ZSWIM6: variants seen among roughly 807,000 people sequenced by gnomAD.
ZSWIM6 encodes the protein zinc finger SWIM-type containing 6.
In ZSWIM6, 9 loss-of-function variants were observed where a neutral mutation model predicts 113.2. The observed-to-expected ratio is 0.08, with a 90% CI of 0.05 to 0.14. The LOEUF (loss-of-function observed/expected upper bound fraction) is 0.14, where lower values mean the gene tolerates loss of function less well. ZSWIM6 is among the 10% of genes least tolerant of loss of function. ZSWIM6 has a pLI of 1.00. For synonymous variants in ZSWIM6, 611 were observed against 606.5 expected (o/e 1.01, Z -0.11); for missense variants, 1,162 against 1,552.2 (o/e 0.75, Z 4.22).
intron 1 of ZSWIM6, among the ~76,000 whole-genome samples, chr5:61,464,383 T>C (rs551238723): frequency 7.2e-5 from 11 of 152,006 alleles, no homozygotes; most frequent in Non-Finnish European, 1.5e-4. Context: ...GTAAGTTTAT[T>C]ATTCGAATTG....
intron 1 of ZSWIM6, among the ~76,000 whole-genome samples, chr5:61,361,036 C>A (rs1416846176): frequency 6.6e-6 from 1 of 151,770 alleles, no homozygotes; most frequent in African/African-American, 2.4e-5. Context: ...CATATATATT[C>A]TTGTGGTCTT....
intron 1 of ZSWIM6, among the ~76,000 whole-genome samples, chr5:61,466,274 A>T (rs1298582967): frequency 6.6e-6 from 1 of 152,202 alleles, no homozygotes; most frequent in African/African-American, 2.4e-5. Flanking sequence ...TAGTTACTAT[A>T]CATTTAGCTA....
At chr5:61,509,948 A>G (rs536517949) in intron 4 of ZSWIM6, among the ~76,000 whole-genome samples, 1 of 152,160 alleles carries the variant, frequency 6.6e-6, no homozygotes, top group South Asian at 2.1e-4. Context: ...TCAACATCCA[A>G]GTCTTTCATC....
chr5:61,528,008 T>A (rs1749331503), intron 7 of ZSWIM6, among the ~76,000 whole-genome samples: 1 of 152,206 alleles, frequency 6.6e-6, no homozygotes. Flanking sequence ...GACCCATTTC[T>A]CTTTTATCTT....
intron 1 of ZSWIM6, among the ~76,000 whole-genome samples, chr5:61,434,045 T>A (rs1746643525): frequency 7.0e-6 from 1 of 143,524 alleles, no homozygotes; most frequent in Non-Finnish European, 1.5e-5. Flanking sequence ...AAAAAATATA[T>A]GTGTAATAAA....
chr5:61,531,461 G>A lies in ZSWIM6; in HGVS notation c.1985-4G>A, dbSNP rs751018867. On this transcript the variant is annotated splice_polypyrimidine_tract_variant and splice_region_variant and intron_variant, in intron 8 of 13. Coordinates refer to ENST00000252744, the MANE Select transcript of ZSWIM6 (RefSeq NM_020928.2). ...GCTCTGATTTCTTTTGTGGCATTTT[G>A]CAGAGAATATGGGACAGTGCAAGTC... The A allele has an allele frequency of 4.6e-6, 7 of 1,532,348 alleles. No homozygotes were observed. Among genetic ancestry groups the A allele is most frequent in the Non-Finnish European group, 6.2e-6 (7 of 1,131,694 alleles). 94.9% of individuals were successfully genotyped at this position (1,532,348 alleles called of 1,614,324 possible).
intron 4 of ZSWIM6, among the ~76,000 whole-genome samples, chr5:61,513,460 T>C (rs1313879987): frequency 6.6e-6 from 1 of 152,158 alleles, no homozygotes; most frequent in Non-Finnish European, 1.5e-5. Context: ...TTTTGTAGAA[T>C]AAAACTTTTA....
At chr5:61,417,332 A>C (rs2112120487) in intron 1 of ZSWIM6, among the ~76,000 whole-genome samples, 1 of 152,342 alleles carries the variant, frequency 6.6e-6, no homozygotes, top group South Asian at 2.1e-4. Context: ...AGATTATTAA[A>C]TGAAAATCAC....
intron 1 of ZSWIM6, among the ~76,000 whole-genome samples, chr5:61,458,994 A>G (rs893833687): frequency 3.3e-5 from 5 of 152,090 alleles, no homozygotes; most frequent in Non-Finnish European, 7.4e-5. Context: ...AATTCCATTT[A>G]TACTACCATT....
intron 1 of ZSWIM6, among the ~76,000 whole-genome samples, chr5:61,461,666 A>G (rs1313847816): frequency 6.6e-6 from 1 of 152,188 alleles, no homozygotes; most frequent in Non-Finnish European, 1.5e-5. Context: ...CCAGGCTCTC[A>G]GAACAGGTGC....
At chr5:61,450,717 A>G (rs1747068660) in intron 1 of ZSWIM6, among the ~76,000 whole-genome samples, 1 of 152,208 alleles carries the variant, frequency 6.6e-6, no homozygotes, top group South Asian at 2.1e-4. Context: ...TGTGAGTAGT[A>G]TACAAGACAA....
At chr5:61,408,709 A>G (rs1436005140) in intron 1 of ZSWIM6, among the ~76,000 whole-genome samples, 1 of 152,272 alleles carries the variant, frequency 6.6e-6, no homozygotes, top group Non-Finnish European at 1.5e-5. Context: ...AAGGAAGTGC[A>G]TTACAAAATG....
chr5:61,434,827 A>AAAATT (rs1286761684), intron 1 of ZSWIM6, among the ~76,000 whole-genome samples: 3 of 152,196 alleles, frequency 2.0e-5, no homozygotes, highest in Non-Finnish European at 4.4e-5. Context: ...AAATGTTTGT[A>AAAATT]AAATTAAAAT....
Position 61,469,764 on chromosome 5 carries a change from A to G in ZSWIM6, c.677-2917A>G, listed in dbSNP as rs556989903. Reference sequence around the variant, plus strand: ...GCCCAGGCTGGAGTGCAGTGGTGCAATCTTGGCTCACTGGCTCACTGCAAG... The same window carrying G: ...GCCCAGGCTGGAGTGCAGTGGTGCAGTCTTGGCTCACTGGCTCACTGCAAG... On this transcript the variant is annotated intron_variant, in intron 1 of 13. Coordinates refer to ENST00000252744, the MANE Select transcript of ZSWIM6 (RefSeq NM_020928.2). Among the ~76,000 whole-genome samples the G allele has an allele frequency of 2.6e-5, 4 of 152,120 alleles. No individual in the cohort carries two copies. The East Asian group carries it at 5.8e-4, about 22-fold the overall frequency.
intron 1 of ZSWIM6, among the ~76,000 whole-genome samples, chr5:61,440,068 C>CT (rs1408812587): frequency 1.3e-5 from 2 of 151,450 alleles, no homozygotes; most frequent in Non-Finnish European, 2.9e-5. Context: ...TGGGAAAGAT[C>CT]TTTGAGAGTG....
chr5:61,396,361 G>A (rs1272723895), intron 1 of ZSWIM6, among the ~76,000 whole-genome samples: 1 of 151,966 alleles, frequency 6.6e-6, no homozygotes, highest in East Asian at 1.9e-4. Context: ...GTGAAACCCT[G>A]TCTCTACTAA....
At chr5:61,332,999 T>TGGGGG (rs369791585) in intron 1 of ZSWIM6, 51 bp downstream of exon 1, 12 of 624,622 alleles carry the variant, frequency 1.9e-5, no homozygotes, top group South Asian at 5.5e-5. Flanking sequence ...AGTCCCTGGG[T>TGGGGG]GGGGGGGGGG....
At chr5:61,342,989 G>A (rs888928688) in intron 1 of ZSWIM6, among the ~76,000 whole-genome samples, 1 of 152,150 alleles carries the variant, frequency 6.6e-6, no homozygotes, top group African/African-American at 2.4e-5. Flanking sequence ...GTTAAGTTTT[G>A]AAAGAGAAAT....
intron 1 of ZSWIM6, among the ~76,000 whole-genome samples, chr5:61,340,866 G>A (rs1015304334): frequency 3.7e-4 from 57 of 152,210 alleles, no homozygotes; most frequent in African/African-American, 1.3e-3. Flanking sequence ...CTGCAGTGCA[G>A]TAGTGGTTCT....
Sources: allele counts gnomAD v4.1 joint callset (sites outside exome capture counted in the v4.1 genomes callset), GRCh38; gene constraint gnomAD v4.1.1; transcripts MANE v1.5; gene names NCBI Gene and HGNC (gene_info 2026-07-23, HGNC 2026-07-21).